Variants in FGL1 observed in about 807,000 individuals in gnomAD.
FGL1 encodes fibrinogen like 1, also known as fibrinogen-like protein 1.
FGL1 carries 59 observed loss-of-function variants against 43.7 expected under a neutral mutation model. The observed-to-expected ratio is 1.35, with a 90% confidence interval of 1.10 to 1.68. FGL1 has a LOEUF of 1.68. Among genes scored for constraint, FGL1 ranks in the 40% most tolerant of loss-of-function variants. The probability of loss-of-function intolerance (pLI) is 0.00; values close to 1 mark genes in which losing one functional copy is unlikely to be tolerated. For missense variants in FGL1, 596 were observed against 373.0 expected (o/e 1.60, Z -4.92); for synonymous variants, 192 against 126.5 (o/e 1.52, Z -3.48).
At chr8:17,888,850 A>G (rs1045370333) in intron 1 of FGL1, among the ~76,000 whole-genome samples, 1 of 152,208 alleles carries the variant, frequency 6.6e-6, no homozygotes. Context: ...TCAAGCATAT[A>G]TTTTCTAACT....
intron 2 of FGL1, among the ~76,000 whole-genome samples, chr8:17,883,386 TATAATA>T (rs533368074): frequency 1.0e-5 from 1 of 96,182 alleles, no homozygotes; most frequent in East Asian, 2.9e-4. Flanking sequence ...TAATATACAA[TATAATA>T]ATAATATATA....
rs962996174 is a variant in FGL1 at position 17,868,601 on chromosome 8, G to T, written c.726C>A (p.Asp242Glu). 1.3e-5 allele frequency: 21 copies of T among 1,614,002 alleles called. No individual in the cohort carries two copies. Among genetic ancestry groups the T allele is most frequent in the Non-Finnish European group, 1.4e-5 (16 of 1,179,996 alleles). ...MKFSTWDRDH[D>E]NYEGNCAEED... ...CTTCTGCGCAGTTCCCTTCATAGTT[G>T]TCATGATCTCTGTCCCACGTGCTGA... The change falls in exon 7 of 8, where the codon GAC becomes GAA. Residue 242 changes from aspartate (D) to glutamate (E), a missense_variant. Asp to Glu is a conservative substitution (Grantham distance 45). Transcript: ENST00000427924.
At chr8:17,887,563 A>G (rs1563461237) in intron 1 of FGL1, among the ~76,000 whole-genome samples, 1 of 152,184 alleles carries the variant, frequency 6.6e-6, no homozygotes, top group Non-Finnish European at 1.5e-5. Flanking sequence ...AAAATAACCA[A>G]GATGGGCCGG....
chr8:17,872,404 G>A (rs182776288), intron 5 of FGL1, among the ~76,000 whole-genome samples: 2 of 151,578 alleles, frequency 1.3e-5, no homozygotes, highest in Non-Finnish European at 2.9e-5. Flanking sequence ...TTGGGTTCAA[G>A]CAATTCTCCT....
intron 7 of FGL1, among the ~76,000 whole-genome samples, chr8:17,866,615 C>G (rs899791667): frequency 6.6e-6 from 1 of 152,194 alleles, no homozygotes; most frequent in Non-Finnish European, 1.5e-5. Context: ...CAGGCTCCAC[C>G]TAATGAATGG....
intron 2 of FGL1, 72 bp from the exon 3 acceptor site, chr8:17,882,251 G>T (rs1049488769): frequency 3.7e-6 from 5 of 1,360,532 alleles, no homozygotes; most frequent in Middle Eastern, 2.7e-4. Context: ...TAAACATTTG[G>T]ATAAATCAGT....
At chr8:17,885,342 T>A (rs1353789897) in intron 2 of FGL1, 150 bp downstream of exon 2, 2 of 635,388 alleles carry the variant, frequency 3.1e-6, no homozygotes, top group South Asian at 4.3e-5. Flanking sequence ...TGCTTTACTA[T>A]GTGTCCAGTA....
Position 17,864,468 on chromosome 8 carries a change from A to G in FGL1, c.*124T>C. ...GCACATTAAGTAACAAAGGCAAGTG[A>G]GAAGAATGAAAAGCACTACTCACAA... On this transcript the variant is annotated 3_prime_UTR_variant, in exon 8 of 8. Transcript: ENST00000427924. 9.9e-7 allele frequency: 1 copy of G among 1,009,670 alleles called. No homozygotes were observed. Among genetic ancestry groups the G allele is most frequent in the Non-Finnish European group, 1.4e-6 (1 of 709,894 alleles). 62.5% of individuals were successfully genotyped at this position (1,009,670 alleles called of 1,614,324 possible). A position where few individuals can be genotyped will look rare whatever the true frequency, so the allele number is the denominator to read the frequency against.
At position 17,868,674 on chromosome 8, in the gene FGL1, T is replaced by C. The variant is rs148506726; in HGVS notation, c.653A>G (p.Asn218Ser). The change falls in exon 7 of 8, where the codon AAT becomes AGT. Residue 218 changes from asparagine to serine, a missense_variant. Physicochemically the swap from Asn to Ser is conservative, Grantham distance 46. Transcript: ENST00000427924. ...CCACCACTGCACCTCAGGATGAAAA[T>C]TCCCCGCAAGGGAATCTCCAGCTGT... is the stretch of plus-strand genomic sequence containing the variant. ...SGTAGDSLAG[N>S]FHPEVQWWAS... is the part of the protein sequence containing the mutation. 2.5e-6 allele frequency: 4 copies of C among 1,613,838 alleles called. No individual in the cohort carries two copies. In the African/African-American group the frequency reaches 5.3e-5, roughly 22 times the overall value.
At chr8:17,888,026 A>G (rs1387897301) in intron 1 of FGL1, among the ~76,000 whole-genome samples, 1 of 152,124 alleles carries the variant, frequency 6.6e-6, no homozygotes, top group East Asian at 1.9e-4. Flanking sequence ...TGATAGAAAT[A>G]GTAGTCTTAG....
At chr8:17,874,240 T>C (rs2053409108) in intron 4 of FGL1, 122 bp downstream of exon 4, 2 of 1,376,000 alleles carry the variant, frequency 1.5e-6, no homozygotes, top group Non-Finnish European at 1.0e-6. Context: ...ATTTTCAGTA[T>C]TCTTCTTTAG....
chr8:17,876,268 C>G (rs1026231579), intron 3 of FGL1, among the ~76,000 whole-genome samples: 2 of 151,912 alleles, frequency 1.3e-5, no homozygotes, highest in African/African-American at 2.4e-5. Context: ...TGTTTTGATA[C>G]TAGATTGCCA....
At chr8:17,893,552 T>C (rs897859925) in intron 1 of FGL1, among the ~76,000 whole-genome samples, 5 of 149,144 alleles carry the variant, frequency 3.4e-5, no homozygotes, top group Non-Finnish European at 5.9e-5. Context: ...TTTATCTCAC[T>C]ACCATTAAGA....
intron 3 of FGL1, among the ~76,000 whole-genome samples, chr8:17,876,468 T>C (rs149074994): frequency 1.3e-5 from 2 of 152,320 alleles, no homozygotes; most frequent in East Asian, 3.9e-4. Context: ...TTAGGCTTTA[T>C]TCATATATTT....
At chr8:17,869,979 G>A (rs1029241771) in intron 5 of FGL1, among the ~76,000 whole-genome samples, 2 of 152,018 alleles carry the variant, frequency 1.3e-5, no homozygotes, top group African/African-American at 2.4e-5. Flanking sequence ...GCATGGTGGC[G>A]GGCACCTGTA....
intron 1 of FGL1, among the ~76,000 whole-genome samples, chr8:17,892,342 C>T (rs190672121): frequency 1.3e-5 from 2 of 151,680 alleles, no homozygotes; most frequent in Admixed American, 1.3e-4. Context: ...AGATGGAAAA[C>T]AAAATATTTA....
intron 7 of FGL1, among the ~76,000 whole-genome samples, chr8:17,865,784 C>T (rs954487148): frequency 6.6e-6 from 1 of 152,086 alleles, no homozygotes; most frequent in East Asian, 1.9e-4. Context: ...AGAACATTCA[C>T]AAGAGGTAGT....
At chr8:17,882,728 TGCA>T (rs2053555966) in intron 2 of FGL1, 3 of 118,162 alleles carry the variant, frequency 2.5e-5, no homozygotes, top group Non-Finnish European at 4.8e-5. Flanking sequence ...ATATTATATA[TGCA>T]TATAAATAAT....
In FGL1 at chr8:17,868,627, A is replaced by T; in HGVS notation, c.700T>A (p.Phe234Ile). The T allele has an allele frequency of 6.2e-7, 1 of 1,614,082 alleles. No individual in the cohort carries two copies. The highest frequency in any genetic ancestry group is 8.5e-7 in the Non-Finnish European group (1 of 1,180,004). The change falls in exon 7 of 8, where the codon TTC (phenylalanine) becomes ATC (isoleucine). Residue 234 changes from phenylalanine to isoleucine, a missense_variant. Physicochemically the swap from Phe to Ile is conservative, Grantham distance 21. Coordinates refer to ENST00000427924, the MANE Select transcript of FGL1 (RefSeq NM_004467.4). ...QWWASHQRMK[F>I]STWDRDHDNY... ...TCATGATCTCTGTCCCACGTGCTGA[A>T]TTTCATTCTTTGGTGACTAGCCCAC...
Sources: gnomAD v4.1 joint callset for allele counts (sites outside exome capture counted in the v4.1 genomes callset) on GRCh38, gnomAD v4.1.1 for gene constraint, MANE v1.5 for transcripts, NCBI Gene and HGNC (gene_info 2026-07-23, HGNC 2026-07-21) for gene names.